SUPT3H: variants seen among roughly 807,000 people sequenced by gnomAD.
SUPT3H encodes transcription initiation protein SPT3 homolog.
SUPT3H carries 44 observed loss-of-function variants against 44.3 expected under a neutral mutation model. That is an observed-to-expected ratio of 0.99 (90% confidence interval 0.78 to 1.28). The LOEUF is 1.28. Ranked by LOEUF, SUPT3H falls within the 50% of genes most tolerant of loss-of-function variation. The pLI is 0.00. For missense variants in SUPT3H, 380 were observed against 387.1 expected, an observed-to-expected ratio of 0.98 and a Z score of 0.15; for synonymous variants, 124 against 125.6, an observed-to-expected ratio of 0.99 and a Z score of 0.09.
chr6:44,856,018 T>C (rs1773661168), intron 10 of SUPT3H, among the ~76,000 whole-genome samples: 3 of 152,206 alleles, frequency 2.0e-5, no homozygotes, highest in African/African-American at 4.8e-5. Context: ...GGTCCTCTTT[T>C]ATTGTACCTT....
At chr6:45,232,243 G>A (rs1768193279) in intron 2 of SUPT3H, among the ~76,000 whole-genome samples, 1 of 152,290 alleles carries the variant, frequency 6.6e-6, no homozygotes, top group South Asian at 2.1e-4. Flanking sequence ...AATTGTGCTG[G>A]TTGGGTAGGC....
At chr6:44,939,329 G>A (rs995802019) in intron 9 of SUPT3H, among the ~76,000 whole-genome samples, 2 of 132,820 alleles carry the variant, frequency 1.5e-5, no homozygotes, top group Non-Finnish European at 3.3e-5. Flanking sequence ...AGATAATCAC[G>A]ATTTTTGTCC....
intron 2 of SUPT3H, among the ~76,000 whole-genome samples, chr6:45,296,185 TACACACAC>T (rs201077641): frequency 2.1e-5 from 3 of 140,550 alleles, no homozygotes; most frequent in South Asian, 2.5e-4. Flanking sequence ...ATACACATAC[TACACACAC>T]ACACACACAC....
chr6:45,278,673 C>T (rs1224931481), intron 2 of SUPT3H, among the ~76,000 whole-genome samples: 1 of 152,102 alleles, frequency 6.6e-6, no homozygotes, highest in Admixed American at 6.5e-5. Context: ...AATGTCATTG[C>T]AAAAGAATTA....
At chr6:45,122,209 T>C (rs908565360) in intron 2 of SUPT3H, among the ~76,000 whole-genome samples, 4 of 152,074 alleles carry the variant, frequency 2.6e-5, no homozygotes, top group Non-Finnish European at 4.4e-5. Flanking sequence ...AGATATGGGG[T>C]TGGGGTTGGG....
chr6:45,011,195 T>C (rs1783430097), intron 5 of SUPT3H, among the ~76,000 whole-genome samples: 2 of 152,150 alleles, frequency 1.3e-5, no homozygotes, highest in African/African-American at 4.8e-5. Context: ...TATCTTTGTC[T>C]GGTTTTCATA....
At chr6:44,829,970 C>T in intron 10 of SUPT3H, 113 bp from the exon 11 acceptor site, 2 of 904,650 alleles carry the variant, frequency 2.2e-6, no homozygotes, top group Non-Finnish European at 3.6e-6. Flanking sequence ...TGGCTACAAT[C>T]TAATAGAATG....
intron 9 of SUPT3H, among the ~76,000 whole-genome samples, chr6:44,942,377 GA>G (rs1436318121): frequency 6.6e-6 from 1 of 152,120 alleles, no homozygotes; most frequent in Non-Finnish European, 1.5e-5. Flanking sequence ...TGTACTTTTA[GA>G]AGGGAATGTC....
At chr6:45,302,908 G>C (rs1030000720) in intron 2 of SUPT3H, among the ~76,000 whole-genome samples, 2 of 151,812 alleles carry the variant, frequency 1.3e-5, no homozygotes, top group Admixed American at 6.6e-5. Flanking sequence ...GTATTGCATT[G>C]GGTTTTGGTT....
intron 3 of SUPT3H, among the ~76,000 whole-genome samples, chr6:45,034,581 G>T (rs1787409597): frequency 6.6e-6 from 1 of 152,128 alleles, no homozygotes; most frequent in Non-Finnish European, 1.5e-5. Context: ...GAGGTGTCCA[G>T]CACCAGATAA....
At chr6:45,261,875 TAA>T (rs2153657864) in intron 2 of SUPT3H, among the ~76,000 whole-genome samples, 1 of 152,200 alleles carries the variant, frequency 6.6e-6, no homozygotes, top group South Asian at 2.1e-4. Flanking sequence ...ACAGGGTCAG[TAA>T]AGTTTCAGAA....
chr6:44,999,114 G>A (rs1221996782), intron 6 of SUPT3H, among the ~76,000 whole-genome samples: 1 of 151,624 alleles, frequency 6.6e-6, no homozygotes, highest in African/African-American at 2.4e-5. Flanking sequence ...TTCCATTCTG[G>A]TAAAGTAATA....
chr6:45,085,839 G>A (rs929054156), intron 3 of SUPT3H, among the ~76,000 whole-genome samples: 1 of 152,018 alleles, frequency 6.6e-6, no homozygotes, highest in African/African-American at 2.4e-5. Context: ...GATAATTTTT[G>A]CTTGTCTGGG....
chr6:45,083,014 C>T (rs1796009501), intron 3 of SUPT3H, among the ~76,000 whole-genome samples: 1 of 151,950 alleles, frequency 6.6e-6, no homozygotes, highest in Non-Finnish European at 1.5e-5. Context: ...AGAACACAAT[C>T]CCATTTACAA....
At chr6:45,220,055 A>G (rs1765769661) in intron 2 of SUPT3H, among the ~76,000 whole-genome samples, 1 of 150,218 alleles carries the variant, frequency 6.7e-6, no homozygotes, top group Non-Finnish European at 1.5e-5. Context: ...AAAAAAAAAA[A>G]AAAAAAAAAA....
chr6:45,183,794 G>T (rs1797162), intron 2 of SUPT3H, among the ~76,000 whole-genome samples: 59 of 152,180 alleles, frequency 3.9e-4, no homozygotes, highest in Middle Eastern at 6.8e-3. Flanking sequence ...AACCTTAAAC[G>T]TACCTTGCTA....
chr6:45,044,943 T>C (rs1224926528), intron 3 of SUPT3H, among the ~76,000 whole-genome samples: 2 of 152,184 alleles, frequency 1.3e-5, no homozygotes, highest in Non-Finnish European at 2.9e-5. Flanking sequence ...CTCAAAGCTT[T>C]AATCATATAA....
At chr6:44,819,326 G>T (rs768707121) in intron 11 of SUPT3H, among the ~76,000 whole-genome samples, 2 of 152,000 alleles carry the variant, frequency 1.3e-5, no homozygotes, top group Admixed American at 1.3e-4. Context: ...GTGATGAGGC[G>T]GGGGAATCAT....
intron 2 of SUPT3H, among the ~76,000 whole-genome samples, chr6:45,307,085 T>C (rs1783150993): frequency 6.6e-6 from 1 of 152,170 alleles, no homozygotes; most frequent in Non-Finnish European, 1.5e-5. Context: ...GTGCCCGCCA[T>C]TGCTGAGGCT....
Sources: allele counts gnomAD v4.1 joint callset (sites outside exome capture counted in the v4.1 genomes callset), GRCh38; gene constraint gnomAD v4.1.1; transcripts MANE v1.5; gene names NCBI Gene and HGNC (gene_info 2026-07-23, HGNC 2026-07-21).